The following TENT4A variants were observed in gnomAD, a reference collection of about 807,000 sequenced individuals.
TENT4A encodes terminal nucleotidyltransferase 4A, also known as DNA polymerase kappa.
In TENT4A, 7 loss-of-function variants were observed where a neutral mutation model predicts 72.8. The ratio of observed to expected loss-of-function variants is 0.10; its 90% CI spans 0.05 to 0.18. The LOEUF (loss-of-function observed/expected upper bound fraction) is 0.18. Among genes scored for constraint, TENT4A ranks in the 10% least tolerant of loss-of-function variants. The pLI, the probability that TENT4A is intolerant of heterozygous loss-of-function variation, is 1.00. For synonymous variants in TENT4A, 456 were observed against 434.3 expected (o/e 1.05, Z -0.62); for missense variants, 831 against 1,017.7 (o/e 0.82, Z 2.50).
rs1740769463 is a variant in TENT4A, at chr5:6,723,663, A to G, written c.716+8964A>G. 3.9e-5 allele frequency among the ~76,000 whole-genome samples: 6 copies of G among 152,210 alleles called. No homozygotes were observed. The South Asian group carries it at 1.2e-3, about 32-fold the overall frequency. ...GAACCTAGCAACTCATTCTACAAAC[A>G]TGGTTCAAATATGTTGGTGCAGGGC... On this transcript the variant is annotated intron_variant, in intron 1 of 12. Coordinates refer to ENST00000230859, the MANE Select transcript of TENT4A (RefSeq NM_006999.6).
rs148568289 is a variant in TENT4A, at chr5:6,732,613, C to T, written c.717-4897C>T. Among the ~76,000 whole-genome samples the T allele has an allele frequency of 6.6e-5, 10 of 152,284 alleles. No homozygotes were observed. The East Asian group carries it at 1.2e-3, about 18-fold the overall frequency. ...ACTCTTGCAAGGCAGTGATTGTAAACGAGAGTGATCTTTTGTTGTTTTTCA... is the reference window on the plus strand; with the variant it reads ...ACTCTTGCAAGGCAGTGATTGTAAATGAGAGTGATCTTTTGTTGTTTTTCA... On this transcript the variant is annotated intron_variant, in intron 1 of 12. Transcript: ENST00000230859.
intron 2 of TENT4A, among the ~76,000 whole-genome samples, chr5:6,737,997 C>T (rs1391943721): frequency 6.6e-6 from 1 of 151,450 alleles, no homozygotes; most frequent in Non-Finnish European, 1.5e-5. Flanking sequence ...ACCCTGTCAC[C>T]CACCCCTGCT....
At chr5:6,750,285 GCCGC>G in intron 9 of TENT4A, 42 bp from the exon 10 acceptor site, 1 of 1,528,728 alleles carries the variant, frequency 6.5e-7, no homozygotes, top group Admixed American at 2.0e-5. Flanking sequence ...GCGGCTCCAC[GCCGC>G]AGTTCTCAGG....
intron 1 of TENT4A, among the ~76,000 whole-genome samples, chr5:6,729,257 A>G (rs542274799): frequency 7.2e-5 from 11 of 152,358 alleles, no homozygotes; most frequent in African/African-American, 2.6e-4. Flanking sequence ...CATCTACAAA[A>G]TGAAAATAGT....
At chr5:6,739,087 A>G (rs188912864) in intron 3 of TENT4A, among the ~76,000 whole-genome samples, 2 of 152,364 alleles carry the variant, frequency 1.3e-5, no homozygotes, top group East Asian at 3.9e-4. Context: ...TGAAGATTCA[A>G]GCAAAATTCT....
rs964830939 is a variant in TENT4A, at chr5:6,737,618, T to C, written c.825T>C (p.Leu275=). ...VKRIETVVKD[L]WPTADVQIFG... is the part of the protein sequence containing the mutation. ...GGATCGAAACTGTGGTGAAAGACCT[T>C]TGGCCGACGGCTGATGTGAGTATGT... The change falls in exon 2 of 13, where the codon CTT becomes CTC. Residue 275 remains leucine, a synonymous_variant. Transcript: ENST00000230859. 3 of 1,614,058 alleles carry C rather than the reference T, an allele frequency of 1.9e-6. No individual in the cohort carries two copies. The highest frequency in any genetic ancestry group is 8.5e-7 in the Non-Finnish European group (1 of 1,179,996).
chr5:6,753,680 A>G (rs921301214), intron 12 of TENT4A, among the ~76,000 whole-genome samples: 2 of 152,210 alleles, frequency 1.3e-5, no homozygotes, highest in Non-Finnish European at 2.9e-5. Flanking sequence ...GGCTCTGCGG[A>G]TGCTCGGTGC....
intron 1 of TENT4A, among the ~76,000 whole-genome samples, chr5:6,721,615 C>G (rs1740658677): frequency 6.6e-6 from 1 of 152,192 alleles, no homozygotes; most frequent in Non-Finnish European, 1.5e-5. Context: ...GTGGTGTGCA[C>G]TGCATTTGCT....
rs1291708677 is a variant in TENT4A, at chr5:6,714,162, G to T, written c.179G>T (p.Gly60Val). Reference protein sequence around the residue: ...TAAAAGAAGRGSGGLGPALPA... With the variant: ...TAAAAGAAGRVSGGLGPALPA... The stretch of plus-strand genomic sequence containing the variant: ...GCCGCGGCGGGGGCGGCCGGGCGGG[G>T]CAGTGGCGGCCTGGGCCCCGCGCTG... The change falls in exon 1 of 13, where the codon GGC (glycine) becomes GTC (valine). Residue 60 changes from glycine to valine, a missense_variant. Transcript: ENST00000230859. The T allele has an allele frequency of 2.1e-6, 2 of 972,404 alleles. No homozygotes were observed. The highest frequency in any genetic ancestry group is 2.4e-6 in the Non-Finnish European group (2 of 823,726). The allele number at this position is 972,404 out of a possible 1,614,324, so 60.2% of individuals were successfully genotyped here.
At chr5:6,748,363 G>T (rs902140105) in intron 7 of TENT4A, 101 bp from the exon 8 acceptor site, 35 of 1,482,446 alleles carry the variant, frequency 2.4e-5, no homozygotes, top group Non-Finnish European at 3.2e-5. Context: ...AAGAGTTTCA[G>T]TGGTGAGGGC....
chr5:6,717,591 A>C (rs1043035863), intron 1 of TENT4A, among the ~76,000 whole-genome samples: 2 of 152,260 alleles, frequency 1.3e-5, no homozygotes, highest in African/African-American at 2.4e-5. Flanking sequence ...AAGAACCTTC[A>C]GAGGAGAGGA....
At chr5:6,749,752 AG>A in intron 9 of TENT4A, 95 bp downstream of exon 9, 1 of 798,322 alleles carries the variant, frequency 1.3e-6, no homozygotes, top group Non-Finnish European at 2.2e-6. Context: ...GGTCAAATTA[AG>A]AAAATAGCTA....
intron 1 of TENT4A, among the ~76,000 whole-genome samples, chr5:6,724,139 T>C (rs1740790713): frequency 1.3e-5 from 2 of 152,124 alleles, no homozygotes; most frequent in Non-Finnish European, 1.5e-5. Context: ...CCCAAGGCGC[T>C]ACTAGAAAAT....
intron 6 of TENT4A, among the ~76,000 whole-genome samples, chr5:6,744,923 G>A (rs1264814375): frequency 6.6e-6 from 1 of 152,154 alleles, no homozygotes; most frequent in African/African-American, 2.4e-5. Flanking sequence ...TGTGCCATGT[G>A]CCAGGCCTGG....
intron 1 of TENT4A, among the ~76,000 whole-genome samples, chr5:6,737,205 C>G (rs555671213): frequency 6.6e-6 from 1 of 152,356 alleles, no homozygotes; most frequent in South Asian, 2.1e-4. Context: ...TTCACACTTC[C>G]TGGATGGAAT....
chr5:6,737,387 G>T, intron 1 of TENT4A, 123 bp from the exon 2 acceptor site: 1 of 834,542 alleles, frequency 1.2e-6, no homozygotes. Context: ...ACTTTCAGAG[G>T]AGAAATGAAA....
chr5:6,725,802 G>C (rs1012169847), intron 1 of TENT4A, among the ~76,000 whole-genome samples: 1 of 151,914 alleles, frequency 6.6e-6, no homozygotes, highest in Non-Finnish European at 1.5e-5. Flanking sequence ...ACATGGATTG[G>C]TCAGTAGAAA....
chr5:6,720,070 G>A (rs959319510), intron 1 of TENT4A, among the ~76,000 whole-genome samples: 3 of 152,156 alleles, frequency 2.0e-5, no homozygotes, highest in African/African-American at 4.8e-5. Context: ...AATTGGGTAG[G>A]GCGCTGTCAG....
Position 6,713,891 on chromosome 5 carries a change from G to A in TENT4A, c.-93G>A. On this transcript the variant is annotated 5_prime_UTR_variant, in exon 1 of 13. Coordinates refer to ENST00000230859, the MANE Select transcript of TENT4A (RefSeq NM_006999.6). ...GCCACCGGCCCAGGCCCGTCCGTCCGTCCGTGCGCGCGCGGCCGGGCCTCG... is the reference window on the plus strand; with the variant it reads ...GCCACCGGCCCAGGCCCGTCCGTCCATCCGTGCGCGCGCGGCCGGGCCTCG... 1 of 335,100 alleles carries A rather than the reference G, an allele frequency of 3.0e-6. No homozygotes were observed. Among genetic ancestry groups the A allele is most frequent in the Non-Finnish European group, 4.2e-6 (1 of 238,958 alleles). 20.8% of individuals were successfully genotyped at this position (335,100 alleles called of 1,614,324 possible).
Sources: gnomAD v4.1 joint callset for allele counts (sites outside exome capture counted in the v4.1 genomes callset) on GRCh38, gnomAD v4.1.1 for gene constraint, MANE v1.5 for transcripts, NCBI Gene and HGNC (gene_info 2026-07-23, HGNC 2026-07-21) for gene names.